Variants in ROBO1 observed in about 807,000 individuals in gnomAD.
ROBO1 encodes roundabout homolog 1.
Under a neutral mutation model 195.9 loss-of-function variants are expected in ROBO1, and 149 were observed. The observed-to-expected ratio is 0.76, with a 90% CI of 0.67 to 0.87. ROBO1 has a LOEUF of 0.87. ROBO1 is among the 40% of genes least tolerant of loss of function. The probability of loss-of-function intolerance (pLI) is 0.00; values close to 1 mark genes in which losing one functional copy is unlikely to be tolerated. For synonymous variants in ROBO1, 816 were observed against 733.2 expected (o/e 1.11, Z -1.82); for missense variants, 1,933 against 2,068.3 (o/e 0.93, Z 1.27).
intron 8 of ROBO1, among the ~76,000 whole-genome samples, chr3:78,692,167 C>G (rs1314584424): frequency 6.6e-6 from 1 of 151,882 alleles, no homozygotes; most frequent in African/African-American, 2.4e-5. Flanking sequence ...ATATAGGAAC[C>G]TATTTTTTTC....
intron 5 of ROBO1, among the ~76,000 whole-genome samples, chr3:78,722,700 A>C (rs920104294): frequency 6.6e-6 from 1 of 152,126 alleles, no homozygotes; most frequent in Admixed American, 6.6e-5. Flanking sequence ...TTTAAAAAGG[A>C]TTTCTAAATC....
At chr3:79,707,308 T>A (rs540702158) in intron 1 of ROBO1, among the ~76,000 whole-genome samples, 1 of 152,320 alleles carries the variant, frequency 6.6e-6, no homozygotes, top group South Asian at 2.1e-4. Context: ...TATGCCATTA[T>A]TATCCTTTTA....
intron 4 of ROBO1, among the ~76,000 whole-genome samples, chr3:78,919,368 C>G (rs1057089934): frequency 6.6e-6 from 1 of 152,030 alleles, no homozygotes; most frequent in African/African-American, 2.4e-5. Flanking sequence ...AAAGGTGATT[C>G]TGACAATATA....
At chr3:78,797,010 C>T (rs1162221618) in intron 4 of ROBO1, among the ~76,000 whole-genome samples, 2 of 152,300 alleles carry the variant, frequency 1.3e-5, no homozygotes, top group East Asian at 1.9e-4. Flanking sequence ...CTTTTCACCT[C>T]ATGTATTTCT....
At chr3:78,739,316 C>T (rs1289348488) in intron 5 of ROBO1, among the ~76,000 whole-genome samples, 6 of 152,066 alleles carry the variant, frequency 3.9e-5, no homozygotes, top group Non-Finnish European at 8.8e-5. Context: ...ATTCCCCAGT[C>T]ACTACATTAA....
chr3:79,270,525 C>T (rs1429463139), intron 2 of ROBO1, among the ~76,000 whole-genome samples: 15 of 149,002 alleles, frequency 1.0e-4, no homozygotes, highest in Non-Finnish European at 2.1e-4. Context: ...TTTTTTTTTT[C>T]CCCCAGGCTG....
intron 1 of ROBO1, among the ~76,000 whole-genome samples, chr3:79,622,477 C>A (rs922219798): frequency 2.6e-5 from 4 of 152,222 alleles, no homozygotes; most frequent in African/African-American, 9.6e-5. Context: ...GTAGCTCCAG[C>A]CTGTGCTTTT....
At chr3:79,158,914 AT>A (rs2080905712) in intron 2 of ROBO1, among the ~76,000 whole-genome samples, 1 of 151,946 alleles carries the variant, frequency 6.6e-6, no homozygotes, top group African/African-American at 2.4e-5. Context: ...AAACAAATTT[AT>A]ACATTCCTAT....
intron 4 of ROBO1, among the ~76,000 whole-genome samples, chr3:78,879,422 T>C (rs563918053): frequency 6.6e-5 from 10 of 152,180 alleles, no homozygotes; most frequent in African/African-American, 2.2e-4. Context: ...TTTCCACTCA[T>C]GGCTTGACCT....
chr3:79,033,619 T>A (rs1369239321), intron 3 of ROBO1, among the ~76,000 whole-genome samples: 1 of 152,158 alleles, frequency 6.6e-6, no homozygotes, highest in African/African-American at 2.4e-5. Context: ...CTAAAGAATA[T>A]CCTTATCATC....
chr3:79,292,243 C>T (rs1194766376), intron 2 of ROBO1, among the ~76,000 whole-genome samples: 3 of 152,142 alleles, frequency 2.0e-5, no homozygotes, highest in African/African-American at 4.8e-5. Context: ...TGAGACTTTG[C>T]TGAAGTTGCT....
At position 79,166,060 on chromosome 3, in the gene ROBO1, C is replaced by T. The variant is rs146489474; in HGVS notation, c.89-40521G>A. 9.2e-3 allele frequency among the ~76,000 whole-genome samples: 1,394 copies of T among 152,218 alleles called. 21 individuals carry two copies. The highest frequency in any genetic ancestry group is 0.032 in the African/African-American group (1,316 of 41,516). On this transcript the variant is annotated intron_variant, in intron 2 of 30. Coordinates refer to ENST00000464233, the MANE Select transcript of ROBO1 (RefSeq NM_002941.4). ...CCTACAGATTACAGACTTGCCTAGC[C>T]ACCCCCAACAATAGCGCAAACCAAC...
intron 4 of ROBO1, among the ~76,000 whole-genome samples, chr3:78,747,912 A>G (rs2082695650): frequency 6.6e-6 from 1 of 152,218 alleles, no homozygotes. Context: ...TATACTAGAC[A>G]TGCAATCTTG....
intron 2 of ROBO1, among the ~76,000 whole-genome samples, chr3:79,147,220 C>G (rs7638301): frequency 0.73 from 111,094 of 151,810 alleles, 40,807 homozygotes; most frequent in African/African-American, 0.8. Flanking sequence ...TGGTTTAAAG[C>G]CTGATTTTAC....
chr3:79,698,284 C>A (rs991117004), intron 1 of ROBO1, among the ~76,000 whole-genome samples: 2 of 151,406 alleles, frequency 1.3e-5, no homozygotes, highest in African/African-American at 4.8e-5. Flanking sequence ...GTCAGAGCAG[C>A]TGTCATTAAT....
At chr3:79,295,286 C>T (rs1393132457) in intron 2 of ROBO1, among the ~76,000 whole-genome samples, 3 of 152,150 alleles carry the variant, frequency 2.0e-5, no homozygotes, top group South Asian at 4.1e-4. Flanking sequence ...AGAATGAGTT[C>T]ATGTCCTTTA....
At chr3:79,740,573 G>A (rs779187134) in intron 1 of ROBO1, among the ~76,000 whole-genome samples, 2 of 152,062 alleles carry the variant, frequency 1.3e-5, no homozygotes, top group Non-Finnish European at 1.5e-5. Context: ...GAGAATGAGT[G>A]CCGAGTGCCG....
At chr3:78,726,346 G>C (rs936416737) in intron 5 of ROBO1, among the ~76,000 whole-genome samples, 1 of 152,084 alleles carries the variant, frequency 6.6e-6, no homozygotes, top group African/African-American at 2.4e-5. Context: ...AAATTATGCA[G>C]TACTAAATTT....
At chr3:78,666,591 C>T (rs1707752147) in intron 14 of ROBO1, among the ~76,000 whole-genome samples, 2 of 152,156 alleles carry the variant, frequency 1.3e-5, no homozygotes, top group African/African-American at 4.8e-5. Context: ...TGCCTTAAGG[C>T]AGGCTGCAAG....
Sources: gnomAD v4.1 joint callset for allele counts (sites outside exome capture counted in the v4.1 genomes callset) on GRCh38, gnomAD v4.1.1 for gene constraint, MANE v1.5 for transcripts, NCBI Gene and HGNC (gene_info 2026-07-23, HGNC 2026-07-21) for gene names.